LPL: variants seen among roughly 807,000 people sequenced by gnomAD.
LPL encodes lipoprotein lipase.
In LPL, 43 loss-of-function variants were observed where a neutral mutation model predicts 52.2. The observed-to-expected ratio is 0.82, with a 90% CI of 0.64 to 1.06. LPL has a LOEUF of 1.06. LPL is among the 50% of genes least tolerant of loss of function. The pLI, the probability that LPL is intolerant of heterozygous loss-of-function variation, is 0.00. For synonymous variants in LPL, 244 were observed against 215.6 expected, an observed-to-expected ratio of 1.13 and a Z score of -1.15; for missense variants, 639 against 585.3, an observed-to-expected ratio of 1.09 and a Z score of -0.95.
chr8:19,953,521 G>C (rs2069953612), intron 4 of LPL, 100 bp downstream of exon 4: 1 of 806,908 alleles, frequency 1.2e-6, no homozygotes, highest in Non-Finnish European at 2.1e-6. Context: ...CATGTGTGGT[G>C]TTCTTCCCGG....
rs1186237510 is a variant in LPL at position 19,966,368 on chromosome 8, G to T, written c.*1058G>T. 1 of 152,164 alleles carries T rather than the reference G, an allele frequency of 6.6e-6. No homozygotes were observed. Among genetic ancestry groups the T allele is most frequent in the East Asian group, 1.9e-4 (1 of 5,188 alleles). The allele number at this position is 152,164 out of a possible 1,614,324, so 9.4% of individuals were successfully genotyped here. The stretch of plus-strand genomic sequence containing the variant: ...AGGACCGTTTTTACTAAGTAAAAGG[G>T]TGGAGAGGTTCCTGGGGTGGATTCC... On this transcript the variant is annotated 3_prime_UTR_variant, in exon 10 of 10. Coordinates refer to ENST00000650287, the MANE Select transcript of LPL (RefSeq NM_000237.3).
intron 1 of LPL, among the ~76,000 whole-genome samples, chr8:19,942,503 A>G (rs2069849475): frequency 6.6e-6 from 1 of 152,254 alleles, no homozygotes; most frequent in Admixed American, 6.5e-5. Flanking sequence ...AAAAACACTT[A>G]TCAGTGTAAA....
chr8:19,957,913 TAGAC>T (rs1196100988), intron 6 of LPL, among the ~76,000 whole-genome samples: 23 of 152,020 alleles, frequency 1.5e-4, no homozygotes, highest in African/African-American at 5.3e-4. Context: ...ATACATTTAA[TAGAC>T]AGTAACACAA....
At chr8:19,953,565 G>T (rs984479004) in intron 4 of LPL, 144 bp downstream of exon 4, 1 of 681,830 alleles carries the variant, frequency 1.5e-6, no homozygotes. Context: ...CTCATTGTAG[G>T]GCTCTTTATT....
rs2069810053 is a variant in LPL at position 19,939,473 on chromosome 8, G to A, written c.33G>A (p.Leu11=). ...GCAAAGCCCTGCTCGTGCTGACTCT[G>A]GCCGTGTGGCTCCAGAGTCTGACCG... MESKALLVLT[L]AVWLQSLTAS... The change falls in exon 1 of 10, where the codon CTG becomes CTA. Residue 11 remains leucine, a synonymous_variant. Transcript: ENST00000650287. This position sits in a 1 kb window ranked among gnomAD's most constrained non-coding sequence, Gnocchi z 4.0. The A allele has an allele frequency of 6.2e-7, 1 of 1,611,028 alleles. No individual in the cohort carries two copies. Among genetic ancestry groups the A allele is most frequent in the Non-Finnish European group, 8.5e-7 (1 of 1,179,156 alleles).
chr8:19,948,562 T>G, intron 2 of LPL: 2 of 540,802 alleles, frequency 3.7e-6, no homozygotes, highest in Non-Finnish European at 6.5e-6. Context: ...TGTACCTGGT[T>G]GGTGCCCTTG....
rs780030692 is a variant in LPL at position 19,939,476 on chromosome 8, C to A, written c.36C>A (p.Ala12=). 1.2e-6 allele frequency: 2 copies of A among 1,610,984 alleles called. No homozygotes were observed. The highest frequency in any genetic ancestry group is 1.7e-6 in the Non-Finnish European group (2 of 1,179,150). The change falls in exon 1 of 10, where the codon GCC becomes GCA. Residue 12 remains alanine, a synonymous_variant. Transcript: ENST00000650287. The surrounding 1 kb of genome is among the most constrained non-coding windows in gnomAD (Gnocchi z 4.0). Reference sequence around the variant, plus strand: ...AAGCCCTGCTCGTGCTGACTCTGGCCGTGTGGCTCCAGAGTCTGACCGCCT... The same window carrying A: ...AAGCCCTGCTCGTGCTGACTCTGGCAGTGTGGCTCCAGAGTCTGACCGCCT... The part of the protein sequence containing the change: ...ESKALLVLTL[A]VWLQSLTASR...
At chr8:19,953,896 T>C (rs1485937408) in intron 4 of LPL, among the ~76,000 whole-genome samples, 2 of 152,224 alleles carry the variant, frequency 1.3e-5, no homozygotes, top group Non-Finnish European at 2.9e-5. Flanking sequence ...CCAGCCATCC[T>C]GAGTGGAAAC....
At chr8:19,948,869 T>C (rs1198913482) in intron 2 of LPL, among the ~76,000 whole-genome samples, 2 of 151,898 alleles carry the variant, frequency 1.3e-5, no homozygotes, top group Admixed American at 6.6e-5. Flanking sequence ...TTGCACTAGA[T>C]GTCCCTAAAA....
chr8:19,952,448 T>C (rs989075466), intron 3 of LPL, among the ~76,000 whole-genome samples: 1 of 152,114 alleles, frequency 6.6e-6, no homozygotes, highest in Admixed American at 6.5e-5. Context: ...GGAAGGTGCA[T>C]AGGATAGAAG....
intron 9 of LPL, among the ~76,000 whole-genome samples, chr8:19,963,159 A>G (rs2070054969): frequency 6.6e-6 from 1 of 152,202 alleles, no homozygotes; most frequent in African/African-American, 2.4e-5. Flanking sequence ...TGTATAGAAT[A>G]AGAATTGCCT....
intron 6 of LPL, 109 bp downstream of exon 6, chr8:19,956,192 T>C (rs2069984302): frequency 2.0e-6 from 3 of 1,479,030 alleles, no homozygotes; most frequent in Non-Finnish European, 2.8e-6. Flanking sequence ...ATGACTGGTG[T>C]TACTAAACCC....
chr8:19,951,199 C>A (rs894923004), intron 2 of LPL, among the ~76,000 whole-genome samples: 3 of 152,164 alleles, frequency 2.0e-5, no homozygotes, highest in African/African-American at 7.2e-5. Context: ...TTGCCACTTG[C>A]TTGGATGTCA....
rs774143556 is a variant in LPL, at chr8:19,965,332, A to C, written c.*22A>C. ...CAGAAACTGGGCGAATCTACAGAAC[A>C]AAGAACGGCATGTGAATTCTGTGAA... On this transcript the variant is annotated 3_prime_UTR_variant, in exon 10 of 10. Coordinates refer to ENST00000650287, the MANE Select transcript of LPL (RefSeq NM_000237.3). 2.6e-6 allele frequency: 2 copies of C among 780,748 alleles called. No homozygotes were observed. Among genetic ancestry groups the C allele is most frequent in the Admixed American group, 3.4e-5 (2 of 59,032 alleles). The allele number at this position is 780,748 out of a possible 1,614,324, so 48.4% of individuals were successfully genotyped here.
chr8:19,963,393 G>A (rs1003322511), intron 9 of LPL, among the ~76,000 whole-genome samples: 5 of 147,844 alleles, frequency 3.4e-5, no homozygotes, highest in Non-Finnish European at 5.9e-5. Context: ...ATGAGATCGC[G>A]CCATTATATT....
intron 1 of LPL, among the ~76,000 whole-genome samples, chr8:19,941,887 C>T (rs983563685): frequency 1.3e-5 from 2 of 152,154 alleles, no homozygotes; most frequent in African/African-American, 4.8e-5. Context: ...GTCCTGGGAG[C>T]CACCACCATC....
In LPL at chr8:19,939,366, C is replaced by A; in HGVS notation, c.-75C>A. The A allele has an allele frequency of 6.9e-7, 1 of 1,456,752 alleles. No homozygotes were observed. Among genetic ancestry groups the A allele is most frequent in the Non-Finnish European group, 9.4e-7 (1 of 1,065,084 alleles). 90.2% of individuals were successfully genotyped at this position (1,456,752 alleles called of 1,614,324 possible). On this transcript the variant is annotated 5_prime_UTR_variant, in exon 1 of 10. Transcript: ENST00000650287. This position sits in a 1 kb window ranked among gnomAD's most constrained non-coding sequence, Gnocchi z 4.0. Reference sequence around the variant, plus strand: ...TCAGCGCCAAACCGCGGCTCCAGCCCTCTCCAGCCTCCGGCTCAGCCGGCT... The same window carrying A: ...TCAGCGCCAAACCGCGGCTCCAGCCATCTCCAGCCTCCGGCTCAGCCGGCT...
chr8:19,948,742 T>C (rs1044335705), intron 2 of LPL, among the ~76,000 whole-genome samples: 3 of 152,138 alleles, frequency 2.0e-5, no homozygotes, highest in African/African-American at 7.2e-5. Context: ...AGGAGAGGGC[T>C]GGAGTGGAGT....
chr8:19,948,198 A>G lies in LPL; in HGVS notation c.107A>G (p.Asp36Gly). 1 of 1,614,174 alleles carries G rather than the reference A, an allele frequency of 6.2e-7. No individual in the cohort carries two copies. The highest frequency in any genetic ancestry group is 1.7e-5 in the Admixed American group (1 of 60,024). The change falls in exon 2 of 10, where the codon GAC becomes GGC. Residue 36 changes from aspartate (D) to glycine (G), a missense_variant. Physicochemically the swap from Asp to Gly is moderately conservative, Grantham distance 94 (BLOSUM62 -1). Transcript: ENST00000650287. ...TTTCCAGAAAGAAGAGATTTTATCG[A>G]CATCGAAAGTAAATTTGCCCTAAGG... Reference protein sequence around the residue: ...AAADQRRDFIDIESKFALRTP... With the variant: ...AAADQRRDFIGIESKFALRTP...
Sources: allele counts gnomAD v4.1 joint callset (sites outside exome capture counted in the v4.1 genomes callset), GRCh38; gene constraint gnomAD v4.1.1; non-coding constraint Gnocchi (gnomAD v3.1); transcripts MANE v1.5; gene names NCBI Gene and HGNC (gene_info 2026-07-23, HGNC 2026-07-21).